CWC22: variants seen among roughly 807,000 people sequenced by gnomAD.
CWC22 encodes pre-mRNA-splicing factor CWC22 homolog.
In CWC22, 53 loss-of-function variants were observed where a neutral mutation model predicts 117.2. The ratio of observed to expected loss-of-function variants is 0.45; its 90% confidence interval spans 0.36 to 0.57. The LOEUF (loss-of-function observed/expected upper bound fraction) is 0.57, where lower values mean the gene tolerates loss of function less well. Among genes scored for constraint, CWC22 ranks in the 20% least tolerant of loss-of-function variants. The pLI, the probability that CWC22 is intolerant of heterozygous loss-of-function variation, is 0.00. For missense variants in CWC22, 980 were observed against 1,068.8 expected, an observed-to-expected ratio of 0.92 and a Z score of 1.16; for synonymous variants, 360 against 355.6, an observed-to-expected ratio of 1.01 and a Z score of -0.14.
intron 19 of CWC22, among the ~76,000 whole-genome samples, chr2:179,945,936 G>A (rs7574301): frequency 0.016 from 2,510 of 152,236 alleles, 37 homozygotes; most frequent in East Asian, 0.042. Flanking sequence ...AGGCTGGAGT[G>A]CAGTGGCGCA....
At chr2:179,947,997 T>C (rs781304398) in intron 19 of CWC22, among the ~76,000 whole-genome samples, 44 of 152,206 alleles carry the variant, frequency 2.9e-4, no homozygotes, top group Non-Finnish European at 5.4e-4. Context: ...ACACAGATCT[T>C]TTCAGAAACT....
chr2:179,970,991 A>G lies in CWC22; in HGVS notation c.890T>C (p.Leu297Pro). The G allele has an allele frequency of 6.2e-7, 1 of 1,612,970 alleles. No homozygotes were observed. Among genetic ancestry groups the G allele is most frequent in the Non-Finnish European group, 8.5e-7 (1 of 1,179,200 alleles). The change falls in exon 9 of 20, where the codon CTT (leucine) becomes CCT (proline). Residue 297 changes from leucine to proline, a missense_variant. Physicochemically the swap from Leu to Pro is moderately conservative, Grantham distance 98. This residue lies in a region of CWC22 where 559 missense variants were observed against 602.3 expected (regional missense o/e 0.93). Transcript: ENST00000410053. ...DDSVEVAIGF[L>P]KECGLKLTQV... is the part of the protein sequence containing the mutation. ...TGTTAATTTGAGGCCACATTCCTTA[A>G]GAAAACCAATAGCTACTTCAACGCT...
intron 5 of CWC22, among the ~76,000 whole-genome samples, chr2:179,981,491 C>T (rs1040991571): frequency 1.3e-5 from 2 of 152,024 alleles, no homozygotes; most frequent in Non-Finnish European, 2.9e-5. Flanking sequence ...TTTGAACATA[C>T]TATAAAAAGG....
chr2:179,973,319 A>G, intron 7 of CWC22, 73 bp from the exon 8 acceptor site: 1 of 1,006,102 alleles, frequency 9.9e-7, no homozygotes, highest in East Asian at 2.6e-5. Context: ...TCTATGGCCT[A>G]CTAACATCAT....
chr2:179,956,595 T>A (rs1047546489), intron 14 of CWC22, among the ~76,000 whole-genome samples: 11 of 149,794 alleles, frequency 7.3e-5, no homozygotes, highest in African/African-American at 2.4e-4. Flanking sequence ...TATATATATA[T>A]AAATATATAT....
At position 179,981,996 on chromosome 2, in the gene CWC22, T is replaced by G; in HGVS notation, c.208A>C (p.Asn70His). The change falls in exon 5 of 20, where the codon AAC (asparagine) becomes CAC (histidine). Residue 70 changes from asparagine to histidine, a missense_variant and splice_region_variant. Transcript: ENST00000410053. ...RSYDSSMESR[N>H]RDREKRRERE... ...TCTCTGCGTTTTTCTCGGTCCCTGT[T>G]TCTGTAATATAAATTTTTTGAAGAG... is the stretch of plus-strand genomic sequence containing the variant. The G allele has an allele frequency of 6.7e-7, 1 of 1,499,186 alleles. No homozygotes were observed. The highest frequency in any genetic ancestry group is 9.1e-7 in the Non-Finnish European group (1 of 1,104,618). The allele number at this position is 1,499,186 out of a possible 1,614,324, so 92.9% of individuals were successfully genotyped here. A position where few individuals can be genotyped will look rare whatever the true frequency, so the allele number is the denominator to read the frequency against.
chr2:179,963,921 A>C (rs1166506501), intron 13 of CWC22, among the ~76,000 whole-genome samples: 1 of 152,204 alleles, frequency 6.6e-6, no homozygotes, highest in African/African-American at 2.4e-5. Flanking sequence ...AGGTTGATTC[A>C]CATACAAACT....
chr2:179,966,433 A>T (rs536264915), intron 11 of CWC22, among the ~76,000 whole-genome samples: 33 of 152,208 alleles, frequency 2.2e-4, no homozygotes, highest in Non-Finnish European at 4.6e-4. Context: ...AGGGAGAGAA[A>T]ATAATTGCAT....
intron 16 of CWC22, 54 bp downstream of exon 16, chr2:179,954,151 T>G: frequency 2.1e-6 from 3 of 1,407,076 alleles, no homozygotes; most frequent in Non-Finnish European, 2.9e-6. Context: ...TACGAAAATC[T>G]ATTTGAGAAC....
At chr2:179,953,712 T>A (rs1051371451) in intron 16 of CWC22, among the ~76,000 whole-genome samples, 1 of 152,140 alleles carries the variant, frequency 6.6e-6, no homozygotes, top group Non-Finnish European at 1.5e-5. Flanking sequence ...TCTATGACTA[T>A]AGGATATCCT....
chr2:179,953,979 C>A (rs1185511220), intron 16 of CWC22, among the ~76,000 whole-genome samples: 1 of 152,098 alleles, frequency 6.6e-6, no homozygotes, highest in African/African-American at 2.4e-5. Flanking sequence ...TATCGAAACA[C>A]TGGCATGTTT....
chr2:179,964,199 G>C (rs1380268805), intron 13 of CWC22, among the ~76,000 whole-genome samples: 1 of 152,106 alleles, frequency 6.6e-6, no homozygotes, highest in South Asian at 2.1e-4. Context: ...TTTTAAAAAT[G>C]TTAAATATTA....
At chr2:179,965,553 T>C (rs913725942) in intron 12 of CWC22, among the ~76,000 whole-genome samples, 1 of 152,192 alleles carries the variant, frequency 6.6e-6, no homozygotes, top group African/African-American at 2.4e-5. Context: ...TAAGAAAACA[T>C]GTTTTTCATT....
intron 1 of CWC22, 123 bp from the exon 2 acceptor site, chr2:179,993,577 A>C: frequency 4.3e-6 from 2 of 467,654 alleles, no homozygotes; most frequent in South Asian, 6.8e-5. Flanking sequence ...CAAATATAAT[A>C]AAAATTGTAA....
chr2:179,982,095 C>A, intron 4 of CWC22, 98 bp from the exon 5 acceptor site: 2 of 662,846 alleles, frequency 3.0e-6, no homozygotes, highest in Non-Finnish European at 5.2e-6. Context: ...GTGGGTCCCA[C>A]AAATTCAGAC....
At chr2:179,953,006 AAGAC>A (rs1291380995) in intron 16 of CWC22, among the ~76,000 whole-genome samples, 11 of 152,152 alleles carry the variant, frequency 7.2e-5, no homozygotes, top group African/African-American at 2.7e-4. Context: ...GATTTAAAAA[AAGAC>A]AGAAAGTATA....
At chr2:179,946,281 C>T (rs1032802814) in intron 19 of CWC22, among the ~76,000 whole-genome samples, 2 of 151,782 alleles carry the variant, frequency 1.3e-5, no homozygotes, top group Admixed American at 6.6e-5. Context: ...GAAACCCCTT[C>T]TCTACAAAAA....
chr2:179,957,598 A>G (rs1362794528), intron 14 of CWC22, among the ~76,000 whole-genome samples: 1 of 152,180 alleles, frequency 6.6e-6, no homozygotes, highest in Non-Finnish European at 1.5e-5. Flanking sequence ...ACACATAAAC[A>G]TTTTTAAAGG....
intron 13 of CWC22, among the ~76,000 whole-genome samples, chr2:179,963,498 A>ACC (rs1278324736): frequency 5.3e-5 from 8 of 150,744 alleles, no homozygotes; most frequent in African/African-American, 7.3e-5. Flanking sequence ...GCCCGCTACC[A>ACC]CGCCCGGCTA....
Sources: allele counts gnomAD v4.1 joint callset (sites outside exome capture counted in the v4.1 genomes callset), GRCh38; gene constraint gnomAD v4.1.1; regional missense constraint gnomAD v4.1.1; transcripts MANE v1.5; gene names NCBI Gene and HGNC (gene_info 2026-07-23, HGNC 2026-07-21).